Variants in CTNNBL1 observed in about 807,000 individuals in gnomAD.
CTNNBL1 encodes beta-catenin-like protein 1.
Under a neutral mutation model 72.7 loss-of-function variants are expected in CTNNBL1, and 31 were observed. The ratio of observed to expected loss-of-function variants is 0.43; its 90% CI spans 0.32 to 0.58. The LOEUF (loss-of-function observed/expected upper bound fraction) is 0.58. Among genes scored for constraint, CTNNBL1 ranks in the 20% least tolerant of loss-of-function variants. The pLI is 0.08. For synonymous variants in CTNNBL1, 240 were observed against 267.3 expected (o/e 0.90, Z 1.00); for missense variants, 534 against 725.1 (o/e 0.74, Z 3.03).
intron 10 of CTNNBL1, among the ~76,000 whole-genome samples, chr20:37,789,076 C>T (rs1208461719): frequency 6.6e-6 from 1 of 152,104 alleles, no homozygotes; most frequent in Non-Finnish European, 1.5e-5. Context: ...GTGAAGAAAG[C>T]AGCGGGTAGC....
At chr20:37,804,502 C>T (rs1326665579) in intron 11 of CTNNBL1, among the ~76,000 whole-genome samples, 1 of 152,164 alleles carries the variant, frequency 6.6e-6, no homozygotes, top group Non-Finnish European at 1.5e-5. Context: ...GGCTTAACTT[C>T]CCTTCACTGC....
In CTNNBL1 at chr20:37,840,087, T is replaced by C; in HGVS notation, c.1214-15T>C. ...TCTGATCTCAGCATGTTCTCTTTTC[T>C]CTTTCCCAACCCAGAGCATGTCTGT... On this transcript the variant is annotated splice_polypyrimidine_tract_variant and intron_variant, in intron 11 of 15. Transcript: ENST00000361383. 6.2e-7 allele frequency: 1 copy of C among 1,603,590 alleles called. No individual in the cohort carries two copies. Among genetic ancestry groups the C allele is most frequent in the Middle Eastern group, 1.7e-4 (1 of 6,034 alleles).
intron 11 of CTNNBL1, among the ~76,000 whole-genome samples, chr20:37,830,390 A>G (rs1318361236): frequency 6.6e-6 from 1 of 152,152 alleles, no homozygotes; most frequent in Non-Finnish European, 1.5e-5. Flanking sequence ...CCTGTGACCC[A>G]GCTCCGCTTG....
At chr20:37,815,627 T>C (rs1221171848) in intron 11 of CTNNBL1, among the ~76,000 whole-genome samples, 1 of 152,142 alleles carries the variant, frequency 6.6e-6, no homozygotes, top group Non-Finnish European at 1.5e-5. Context: ...CCACATTGGC[T>C]CTTCTAAGTG....
intron 7 of CTNNBL1, among the ~76,000 whole-genome samples, chr20:37,773,909 CTTTTT>C (rs1176688817): frequency 9.6e-6 from 1 of 104,644 alleles, no homozygotes; most frequent in Non-Finnish European, 1.9e-5. Context: ...TTCTTTCTCT[CTTTTT>C]TTTTTTTTTT....
At chr20:37,826,531 AC>A (rs2072161565) in intron 11 of CTNNBL1, among the ~76,000 whole-genome samples, 1 of 152,262 alleles carries the variant, frequency 6.6e-6, no homozygotes, top group Non-Finnish European at 1.5e-5. Flanking sequence ...CAAACAACAG[AC>A]ATAAAAACTG....
intron 5 of CTNNBL1, among the ~76,000 whole-genome samples, chr20:37,758,957 A>G (rs2073390621): frequency 6.6e-6 from 1 of 152,080 alleles, no homozygotes; most frequent in Non-Finnish European, 1.5e-5. Flanking sequence ...TGTTCTCGAC[A>G]CTAGAAATTT....
At chr20:37,866,854 C>T (rs1438115591) in intron 15 of CTNNBL1, among the ~76,000 whole-genome samples, 1 of 152,186 alleles carries the variant, frequency 6.6e-6, no homozygotes, top group Non-Finnish European at 1.5e-5. Flanking sequence ...CTAATCCTTT[C>T]GCCTGGAGTT....
chr20:37,704,271 C>T (rs1568743492), intron 1 of CTNNBL1, among the ~76,000 whole-genome samples: 1 of 152,152 alleles, frequency 6.6e-6, no homozygotes, highest in Non-Finnish European at 1.5e-5. Context: ...TGTTATGGTG[C>T]CATGAACAAG....
intron 13 of CTNNBL1, among the ~76,000 whole-genome samples, chr20:37,846,114 G>A (rs1369388175): frequency 6.6e-6 from 1 of 151,734 alleles, no homozygotes; most frequent in East Asian, 1.9e-4. Flanking sequence ...GGGCCTAGGG[G>A]TGGTGCCGCA....
intron 4 of CTNNBL1, among the ~76,000 whole-genome samples, chr20:37,753,485 A>C (rs990510451): frequency 6.6e-6 from 1 of 152,228 alleles, no homozygotes; most frequent in Non-Finnish European, 1.5e-5. Flanking sequence ...TATCTGGCCC[A>C]CAAGACCTTA....
At chr20:37,823,123 T>G (rs2072124633) in intron 11 of CTNNBL1, among the ~76,000 whole-genome samples, 1 of 152,222 alleles carries the variant, frequency 6.6e-6, no homozygotes, top group African/African-American at 2.4e-5. Context: ...AACTGGGTTA[T>G]TTTATCTCCT....
At chr20:37,802,567 A>G (rs1183504125) in intron 10 of CTNNBL1, among the ~76,000 whole-genome samples, 1 of 152,196 alleles carries the variant, frequency 6.6e-6, no homozygotes, top group Non-Finnish European at 1.5e-5. Flanking sequence ...TATAATCTCA[A>G]CACCCCGAAA....
At chr20:37,735,043 T>G (rs1013688682) in intron 2 of CTNNBL1, among the ~76,000 whole-genome samples, 1 of 152,268 alleles carries the variant, frequency 6.6e-6, no homozygotes, top group Non-Finnish European at 1.5e-5. Context: ...GTTTTGATTA[T>G]TTTAGTTAAA....
intron 11 of CTNNBL1, among the ~76,000 whole-genome samples, chr20:37,808,881 G>A (rs1439435471): frequency 6.6e-6 from 1 of 151,744 alleles, no homozygotes; most frequent in African/African-American, 2.4e-5. Context: ...TTGGTAAATG[G>A]CACCAGCCTC....
Position 37,855,956 on chromosome 20 carries a change from G to C in CTNNBL1, c.1393-3943G>C, listed in dbSNP as rs554039689. On this transcript the variant is annotated intron_variant, in intron 13 of 15. Transcript: ENST00000361383. ...AATGCTTTCCAAGAGCCTACTAAGG[G>C]CTGGGCACAGCGCCTCATGCCTGTA... 1.8e-3 allele frequency among the ~76,000 whole-genome samples: 269 copies of C among 152,128 alleles called. 3 individuals carry two copies. The highest frequency in any genetic ancestry group is 8.1e-3 in the South Asian group (39 of 4,806).
Position 37,725,726 on chromosome 20 carries a change from G to A in CTNNBL1, c.31-7153G>A, listed in dbSNP as rs1210169131. 6.1e-4 allele frequency among the ~76,000 whole-genome samples: 92 copies of A among 150,402 alleles called. 1 individual carries two copies. Among genetic ancestry groups the A allele is most frequent in the Non-Finnish European group, 7.4e-5 (5 of 67,686 alleles). ...AGGCTGGGCGCAGTGGCTCATGCCT[G>A]TAATTTCAGCACTTTGGGAGACCGA... On this transcript the variant is annotated intron_variant, in intron 1 of 15. Transcript: ENST00000361383.
chr20:37,777,579 G>T (rs2073587215), intron 8 of CTNNBL1, 75 bp from the exon 9 acceptor site: 1 of 1,455,554 alleles, frequency 6.9e-7, no homozygotes, highest in Non-Finnish European at 9.6e-7. Flanking sequence ...GTTTGCTGAT[G>T]TATCAGTGTT....
At chr20:37,837,065 T>G (rs2072260465) in intron 11 of CTNNBL1, among the ~76,000 whole-genome samples, 1 of 152,200 alleles carries the variant, frequency 6.6e-6, no homozygotes, top group Non-Finnish European at 1.5e-5. Context: ...TACTTCCAAC[T>G]TGGTTGGCAC....
Sources: gnomAD v4.1 joint callset for allele counts (sites outside exome capture counted in the v4.1 genomes callset) on GRCh38, gnomAD v4.1.1 for gene constraint, MANE v1.5 for transcripts, NCBI Gene and HGNC (gene_info 2026-07-23, HGNC 2026-07-21) for gene names.